The following GPR37 variants were observed in gnomAD, a reference collection of about 807,000 sequenced individuals.
GPR37 encodes prosaposin receptor GPR37.
Under a neutral mutation model 43.6 loss-of-function variants are expected in GPR37, and 20 were observed. The ratio of observed to expected loss-of-function variants is 0.46; its 90% confidence interval spans 0.32 to 0.67. The LOEUF (loss-of-function observed/expected upper bound fraction) is 0.67. Ranked by LOEUF, GPR37 falls within the 30% of genes least tolerant of loss-of-function variation. The probability of loss-of-function intolerance (pLI) is 0.03; values close to 1 mark genes in which losing one functional copy is unlikely to be tolerated. For missense variants in GPR37, 724 were observed against 797.2 expected (o/e 0.91, Z 1.11); for synonymous variants, 315 against 322.6 (o/e 0.98, Z 0.25).
chr7:124,746,569 G>A lies in GPR37; in HGVS notation c.1798C>T (p.Arg600Cys), dbSNP rs200937236. The A allele has an allele frequency of 2.7e-5, 44 of 1,613,290 alleles. No homozygotes were observed. Among genetic ancestry groups the A allele is most frequent in the Middle Eastern group, 1.7e-4 (1 of 6,052 alleles). The change falls in exon 2 of 2, where the codon CGC (arginine) becomes TGC (cysteine). Residue 600 changes from arginine (R) to cysteine (C), a missense_variant. This residue lies in a region of GPR37 where 342 missense variants were observed against 441.8 expected (regional missense o/e 0.77). Transcript: ENST00000303921. ...ELELSPFSTI[R>C]REMSTFASVG... ...GAAGCAAAAGTGGACATTTCACGGC[G>A]TATGGTACTGAAAGGCGAGAGTTCG...
chr7:124,755,102 G>A lies in GPR37; in HGVS notation c.1024-7759C>T, dbSNP rs142106149. 8.8e-4 allele frequency among the ~76,000 whole-genome samples: 134 copies of A among 152,194 alleles called. 1 individual carries two copies. Among genetic ancestry groups the A allele is most frequent in the African/African-American group, 3.0e-3 (124 of 41,542 alleles). On this transcript the variant is annotated intron_variant, in intron 1 of 1. Coordinates refer to ENST00000303921, the MANE Select transcript of GPR37 (RefSeq NM_005302.5). ...GCATTTCTAAACCAAAAGCAGAGAA[G>A]GAGAGACTTTCCTCACCCCTTACAT... is the stretch of plus-strand genomic sequence containing the variant.
intron 1 of GPR37, among the ~76,000 whole-genome samples, chr7:124,752,307 A>G (rs545188437): frequency 6.6e-6 from 1 of 152,276 alleles, no homozygotes. Flanking sequence ...TTTTTAAGAG[A>G]GAAAGAGAGA....
At chr7:124,754,127 G>A (rs1331437399) in intron 1 of GPR37, among the ~76,000 whole-genome samples, 3 of 152,030 alleles carry the variant, frequency 2.0e-5, no homozygotes, top group Non-Finnish European at 4.4e-5. Context: ...AAGGTAAAAA[G>A]CATGCTTTAT....
chr7:124,747,385 G>GA (rs1793686281), intron 1 of GPR37, 42 bp from the exon 2 acceptor site: 1 of 1,327,578 alleles, frequency 7.5e-7, no homozygotes, highest in African/African-American at 1.5e-5. Flanking sequence ...GGTGTCCCCC[G>GA]AAAGATCAAA....
Position 124,746,343 on chromosome 7 carries a change from TAAATAG to T in GPR37, c.*176_*181del, listed in dbSNP as rs947682697. ...GGCCTTCTCATTCTTCTTAAATAAC[TAAATAG>T]AAACTTTTTTTCAAAGCACAAATAT... On this transcript the variant is annotated 3_prime_UTR_variant, in exon 2 of 2. Transcript: ENST00000303921. 1.1e-5 allele frequency: 5 copies of T among 461,018 alleles called. No individual in the cohort carries two copies. Among genetic ancestry groups the T allele is most frequent in the Admixed American group, 3.9e-5 (1 of 25,504 alleles). The allele number at this position is 461,018 out of a possible 1,614,324, so 28.6% of individuals were successfully genotyped here.
chr7:124,763,968 C>T lies in GPR37; in HGVS notation c.1009G>A (p.Val337Met), dbSNP rs754227266. ...WLLEDFSCKI[V>M]PYIEVASLGV... ...GAAGGCATTACCTCTATATAGGGCA[C>T]GATCTTGCAGGAGAAGTCCTCCAGC... Residue 337 changes from valine to methionine, a missense_variant, in exon 1 of 2, where the codon GTG (valine) becomes ATG (methionine). Physicochemically the swap from Val to Met is conservative, Grantham distance 21. This residue lies in a region of GPR37 where 342 missense variants were observed against 441.8 expected (regional missense o/e 0.77). Transcript: ENST00000303921. 13 of 1,613,812 alleles carry T rather than the reference C, an allele frequency of 8.1e-6. 1 individual carries two copies. In the Admixed American group the frequency reaches 2.2e-4, roughly 27 times the overall value.
chr7:124,758,531 TC>T (rs2116323145), intron 1 of GPR37, among the ~76,000 whole-genome samples: 1 of 152,308 alleles, frequency 6.6e-6, no homozygotes, highest in African/African-American at 2.4e-5. Context: ...ATACAGGCGT[TC>T]TAGGGAAATC....
In GPR37 at chr7:124,764,254, C is replaced by T; in HGVS notation, c.723G>A (p.Thr241=). 6.3e-7 allele frequency: 1 copy of T among 1,598,350 alleles called. No individual in the cohort carries two copies. The highest frequency in any genetic ancestry group is 8.5e-7 in the Non-Finnish European group (1 of 1,172,406). Residue 241 remains threonine (T), a synonymous_variant, in exon 1 of 2, where the codon ACG becomes ACA. Transcript: ENST00000303921. This position sits in a 1 kb window ranked among gnomAD's most constrained non-coding sequence, Gnocchi z 5.4. ...GGTTCTTCAGTCTCACACGCCGGTT[C>T]GTGCTGTTTCCCCGGCGGGGACCCC... is the stretch of plus-strand genomic sequence containing the variant. ...EPGGPRRGNS[T]NRRVRLKNPF...
At chr7:124,757,288 A>G (rs2299903) in intron 1 of GPR37, among the ~76,000 whole-genome samples, 52,011 of 152,052 alleles carry the variant, frequency 0.34, 9,361 homozygotes, top group East Asian at 0.51. Context: ...TTTAAATAAA[A>G]TGTTTAATTT....
chr7:124,754,515 T>G (rs965230151), intron 1 of GPR37, among the ~76,000 whole-genome samples: 1 of 115,034 alleles, frequency 8.7e-6, no homozygotes, highest in Non-Finnish European at 1.9e-5. Flanking sequence ...AACGAAACAG[T>G]GTCCTAAGCA....
intron 1 of GPR37, among the ~76,000 whole-genome samples, chr7:124,750,300 C>T (rs1298934175): frequency 2.0e-5 from 3 of 152,124 alleles, no homozygotes; most frequent in Admixed American, 6.6e-5. Flanking sequence ...GCTTTCGTGC[C>T]ATCTTCACTA....
intron 1 of GPR37, among the ~76,000 whole-genome samples, chr7:124,760,155 A>G (rs376063169): frequency 4.6e-5 from 7 of 152,212 alleles, no homozygotes; most frequent in African/African-American, 1.7e-4. Context: ...ATGCTACATC[A>G]TAAATCTATA....
chr7:124,764,895 G>A lies in GPR37; in HGVS notation c.82C>T (p.Leu28Phe), dbSNP rs747665043. 6.2e-7 allele frequency: 1 copy of A among 1,604,032 alleles called. No homozygotes were observed. Among genetic ancestry groups the A allele is most frequent in the East Asian group, 2.2e-5 (1 of 44,608 alleles). Residue 28 changes from leucine (L) to phenylalanine (F), a missense_variant, in exon 1 of 2, where the codon CTC becomes TTC. This residue lies in a region of GPR37 where 382 missense variants were observed against 355.4 expected (regional missense o/e 1.07). Transcript: ENST00000303921. The surrounding 1 kb of genome is among the most constrained non-coding windows in gnomAD (Gnocchi z 5.4). ...TTTCTGGACGCAGGGGCGACCCCGA[G>A]GGCAGAAGAGGCAGACACCTTGAGC... ...LLLKVSASSA[L>F]GVAPASRNET...
At position 124,764,185 on chromosome 7, in the gene GPR37, G is replaced by T; in HGVS notation, c.792C>A (p.Val264=). 2 of 1,595,634 alleles carry T rather than the reference G, an allele frequency of 1.3e-6. No individual in the cohort carries two copies. The highest frequency in any genetic ancestry group is 1.7e-6 in the Non-Finnish European group (2 of 1,170,330). Residue 264 remains valine, a synonymous_variant, in exon 1 of 2, where the codon GTC becomes GTA. Coordinates refer to ENST00000303921, the MANE Select transcript of GPR37 (RefSeq NM_005302.5). This position sits in a 1 kb window ranked among gnomAD's most constrained non-coding sequence, Gnocchi z 5.4. ...LTQESYGAYA[V]MCLSVVIFGT... ...CGAAGATCACCACGGACAGACACAT[G>T]ACCGCGTAGGCTCCATAGGACTCCT...
intron 1 of GPR37, among the ~76,000 whole-genome samples, chr7:124,763,086 A>G (rs983039515): frequency 2.0e-5 from 3 of 152,176 alleles, no homozygotes; most frequent in African/African-American, 7.2e-5. Context: ...AAACAATGCA[A>G]TTTCACTCAA....
chr7:124,750,175 T>C (rs1440961323), intron 1 of GPR37, among the ~76,000 whole-genome samples: 2 of 152,166 alleles, frequency 1.3e-5, no homozygotes, highest in South Asian at 2.1e-4. Context: ...CCTTAGTTTA[T>C]AGATTTTTGA....
rs1181982119 is a variant in GPR37 at position 124,745,750 on chromosome 7, TA to T, written c.*774del. ...TGTGCTAGTTCAGAGGTGAATTTTT[TA>T]AAAAAGAAACTTTCTTCCTACTCTG... On this transcript the variant is annotated 3_prime_UTR_variant, in exon 2 of 2. Transcript: ENST00000303921. Among the ~76,000 whole-genome samples, 1 of 152,148 alleles carries T rather than the reference TA, an allele frequency of 6.6e-6. No homozygotes were observed. The highest frequency in any genetic ancestry group is 2.4e-5 in the African/African-American group (1 of 41,460).
At chr7:124,758,003 T>C (rs1187806123) in intron 1 of GPR37, among the ~76,000 whole-genome samples, 1 of 152,206 alleles carries the variant, frequency 6.6e-6, no homozygotes, top group Non-Finnish European at 1.5e-5. Flanking sequence ...TATATAATCC[T>C]TAAAAGCTGA....
Position 124,765,243 on chromosome 7 carries a change from T to G in GPR37, c.-267A>C. 1 of 399,306 alleles carries G rather than the reference T, an allele frequency of 2.5e-6. No homozygotes were observed. The highest frequency in any genetic ancestry group is 4.4e-6 in the Non-Finnish European group (1 of 226,216). 24.7% of individuals were successfully genotyped at this position (399,306 alleles called of 1,614,324 possible). Reference sequence around the variant, plus strand: ...TGCCCTCCAAGGTTCCTAGAGGGAATAGGCTACTCCCGGTGGCTGACCTTG... The same window carrying G: ...TGCCCTCCAAGGTTCCTAGAGGGAAGAGGCTACTCCCGGTGGCTGACCTTG... On this transcript the variant is annotated 5_prime_UTR_variant, in exon 1 of 2. Transcript: ENST00000303921.
Sources: allele counts gnomAD v4.1 joint callset (sites outside exome capture counted in the v4.1 genomes callset), GRCh38; gene constraint gnomAD v4.1.1; regional missense constraint gnomAD v4.1.1; non-coding constraint Gnocchi (gnomAD v3.1); transcripts MANE v1.5; gene names NCBI Gene and HGNC (gene_info 2026-07-23, HGNC 2026-07-21).